CNTRL: variants seen among roughly 807,000 people sequenced by gnomAD.
CNTRL encodes 110 kDa centrosomal protein.
A neutral mutation model predicts 303.7 loss-of-function variants in CNTRL; 233 were observed. The ratio of observed to expected loss-of-function variants is 0.77; its 90% confidence interval spans 0.69 to 0.86. The LOEUF is 0.86. Ranked by LOEUF, CNTRL falls within the 40% of genes least tolerant of loss-of-function variation. The probability of loss-of-function intolerance (pLI) is 0.00; values close to 1 mark genes in which losing one functional copy is unlikely to be tolerated. For synonymous variants in CNTRL, 900 were observed against 922.2 expected, an observed-to-expected ratio of 0.98 and a Z score of 0.44; for missense variants, 2,524 against 2,650.6, an observed-to-expected ratio of 0.95 and a Z score of 1.05.
intron 12 of CNTRL, 71 bp downstream of exon 12, chr9:121,118,611 TC>T: frequency 8.0e-7 from 1 of 1,252,320 alleles, no homozygotes; most frequent in Non-Finnish European, 1.1e-6. Context: ...AGCATCAGAG[TC>T]CAGAGTCCTT....
chr9:121,086,383 C>T (rs1045770052), intron 2 of CNTRL, among the ~76,000 whole-genome samples: 1 of 152,220 alleles, frequency 6.6e-6, no homozygotes, highest in African/African-American at 2.4e-5. Context: ...GACTTCACTT[C>T]ATCTGCCCTG....
chr9:121,143,026 C>A (rs1433235284), intron 19 of CNTRL, among the ~76,000 whole-genome samples: 1 of 152,072 alleles, frequency 6.6e-6, no homozygotes, highest in Non-Finnish European at 1.5e-5. Flanking sequence ...ACTGGTTGTT[C>A]CTGGAGAAAA....
intron 14 of CNTRL, among the ~76,000 whole-genome samples, chr9:121,126,464 A>C (rs1490854620): frequency 6.6e-6 from 1 of 152,210 alleles, no homozygotes; most frequent in African/African-American, 2.4e-5. Flanking sequence ...AGAGATTTCC[A>C]AACTTCTTGT....
At chr9:121,130,717 T>C (rs1413963659) in intron 14 of CNTRL, among the ~76,000 whole-genome samples, 1 of 152,214 alleles carries the variant, frequency 6.6e-6, no homozygotes, top group Non-Finnish European at 1.5e-5. Flanking sequence ...CTTTTAGTTG[T>C]GTTGTTAGGG....
At chr9:121,123,307 C>T (rs370520002) in intron 12 of CNTRL, among the ~76,000 whole-genome samples, 2 of 152,066 alleles carry the variant, frequency 1.3e-5, no homozygotes, top group Non-Finnish European at 1.5e-5. Flanking sequence ...AGGCTGGGCA[C>T]GGTGGCTCAT....
chr9:121,075,309 T>C (rs916854239), intron 1 of CNTRL, among the ~76,000 whole-genome samples: 1 of 151,934 alleles, frequency 6.6e-6, no homozygotes, highest in African/African-American at 2.4e-5. Flanking sequence ...GCGGGGGCGA[T>C]TGGGGATGAA....
chr9:121,128,462 C>G (rs2050665235), intron 14 of CNTRL, among the ~76,000 whole-genome samples: 1 of 152,266 alleles, frequency 6.6e-6, no homozygotes, highest in South Asian at 2.1e-4. Flanking sequence ...AATGTCTATT[C>G]GTATCCTTTG....
At position 121,141,505 on chromosome 9, in the gene CNTRL, G is replaced by C. The variant is rs2051510485; in HGVS notation, c.2608G>C (p.Glu870Gln). 1 of 1,614,038 alleles carries C rather than the reference G, an allele frequency of 6.2e-7. No homozygotes were observed. The highest frequency in any genetic ancestry group is 8.5e-7 in the Non-Finnish European group (1 of 1,180,032). ...ACAAGTTAGAGAGAGAAAACTCCAAGAAGAAATGGCTCTGCAGCAAGAGAA... is the reference window on the plus strand; with the variant it reads ...ACAAGTTAGAGAGAGAAAACTCCAACAAGAAATGGCTCTGCAGCAAGAGAA... ...EAQVRERKLQ[E>Q]EMALQQEKLA... The change falls in exon 18 of 44, where the codon GAA becomes CAA. Residue 870 changes from glutamate to glutamine, a missense_variant. Physicochemically the swap from Glu to Gln is conservative, Grantham distance 29. Transcript: ENST00000373855.
At chr9:121,109,421 G>A (rs10733652) in intron 8 of CNTRL, among the ~76,000 whole-genome samples, 90,607 of 151,910 alleles carry the variant, frequency 0.6, 29,219 homozygotes, top group South Asian at 0.89. Flanking sequence ...TAAAAAATAT[G>A]TGTACATGCA....
At chr9:121,125,562 A>G (rs1184322481) in intron 13 of CNTRL, among the ~76,000 whole-genome samples, 154 bp from the exon 14 acceptor site, 2 of 152,190 alleles carry the variant, frequency 1.3e-5, no homozygotes, top group East Asian at 3.8e-4. Flanking sequence ...GCTATCTATA[A>G]TAGGAAGAAA....
intron 40 of CNTRL, among the ~76,000 whole-genome samples, chr9:121,172,646 A>C (rs1313193443): frequency 6.7e-6 from 1 of 149,668 alleles, no homozygotes; most frequent in Non-Finnish European, 1.5e-5. Context: ...GTCTTTAAAA[A>C]AACAAAACAA....
At chr9:121,153,483 T>C (rs897190429) in intron 26 of CNTRL, among the ~76,000 whole-genome samples, 1 of 152,078 alleles carries the variant, frequency 6.6e-6, no homozygotes, top group African/African-American at 2.4e-5. Context: ...AGGTCAGAGA[T>C]CCCCTCTCTT....
At chr9:121,145,146 G>A in intron 21 of CNTRL, 98 bp from the exon 22 acceptor site, 4 of 1,394,118 alleles carry the variant, frequency 2.9e-6, no homozygotes, top group Non-Finnish European at 3.9e-6. Flanking sequence ...CTGGGAAAGT[G>A]TAAATAAATA....
chr9:121,153,732 G>A (rs1444244672), intron 26 of CNTRL, among the ~76,000 whole-genome samples: 1 of 152,234 alleles, frequency 6.6e-6, no homozygotes, highest in African/African-American at 2.4e-5. Flanking sequence ...AATTATGACA[G>A]TTCCCCAGTT....
intron 6 of CNTRL, among the ~76,000 whole-genome samples, chr9:121,097,212 A>T (rs924194906): frequency 2.6e-5 from 4 of 152,114 alleles, no homozygotes; most frequent in Non-Finnish European, 4.4e-5. Context: ...AATTTATTTA[A>T]ATTTGTATTA....
Position 121,161,841 on chromosome 9 carries a change from G to C in CNTRL, c.5090-15G>C, listed in dbSNP as rs1403075816. 1 of 1,567,994 alleles carries C rather than the reference G, an allele frequency of 6.4e-7. No individual in the cohort carries two copies. Among genetic ancestry groups the C allele is most frequent in the East Asian group, 2.2e-5 (1 of 44,656 alleles). ...CATTTAATATCATGGACCATGCTTT[G>C]TTTCTATCCCTTAGAACTAAAGAAT... On this transcript the variant is annotated splice_polypyrimidine_tract_variant and intron_variant, in intron 32 of 43. Coordinates refer to ENST00000373855, the MANE Select transcript of CNTRL (RefSeq NM_007018.6).
chr9:121,132,909 G>A (rs2133794105), intron 14 of CNTRL, among the ~76,000 whole-genome samples: 1 of 152,312 alleles, frequency 6.6e-6, no homozygotes, highest in East Asian at 1.9e-4. Context: ...CTGCTGGTCT[G>A]TTGGAGTTTG....
In CNTRL at chr9:121,141,453, A is replaced by C. The variant is rs2051506067; in HGVS notation, c.2556A>C (p.Ala852=). The change falls in exon 18 of 44, where the codon GCA becomes GCC. Residue 852 remains alanine (A), a synonymous_variant. Coordinates refer to ENST00000373855, the MANE Select transcript of CNTRL (RefSeq NM_007018.6). The part of the protein sequence containing the change: ...DLQKQFSEIL[A]RSKWERDEAQ... ...AGAAACAATTCAGTGAAATTCTTGC[A>C]CGCTCCAAGTGGGAAAGAGATGAAG... The C allele has an allele frequency of 6.2e-7, 1 of 1,613,958 alleles. No individual in the cohort carries two copies. Among genetic ancestry groups the C allele is most frequent in the Admixed American group, 1.7e-5 (1 of 60,000 alleles).
At chr9:121,119,313 C>CCT (rs778671814) in intron 12 of CNTRL, among the ~76,000 whole-genome samples, 1 of 137,052 alleles carries the variant, frequency 7.3e-6, no homozygotes, top group Non-Finnish European at 1.6e-5. Flanking sequence ...CTCTCTCTCT[C>CCT]TTTTTTTTTT....
Sources: gnomAD v4.1 joint callset for allele counts (sites outside exome capture counted in the v4.1 genomes callset) on GRCh38, gnomAD v4.1.1 for gene constraint, MANE v1.5 for transcripts, NCBI Gene and HGNC (gene_info 2026-07-23, HGNC 2026-07-21) for gene names.